The following ORC4 variants were observed in gnomAD, a reference collection of about 807,000 sequenced individuals.
ORC4 encodes origin recognition complex subunit 4.
In ORC4, 55 loss-of-function variants were observed where a neutral mutation model predicts 63.9. The ratio of observed to expected loss-of-function variants is 0.86; its 90% CI spans 0.69 to 1.08. ORC4 has a LOEUF of 1.08. ORC4 is among the 50% of genes least tolerant of loss of function. ORC4 has a pLI of 0.00. For missense variants in ORC4, 511 were observed against 504.4 expected (o/e 1.01, Z -0.13); for synonymous variants, 150 against 168.5 (o/e 0.89, Z 0.85).
In ORC4 at chr2:147,988,362, AT is replaced by A. The variant is rs111917011; in HGVS notation, c.-17-12388del. Among the ~76,000 whole-genome samples the A allele has an allele frequency of 3.2e-3, 455 of 143,096 alleles. 1 individual carries two copies. The highest frequency in any genetic ancestry group is 3.7e-3 in the Non-Finnish European group (241 of 64,786). 93.9% of individuals were successfully genotyped at this position (143,096 alleles called of 152,430 possible). ...TTACTGAATCCAGCTGACTTACTGA[AT>A]TTTTTTTTTTTTTTGAGACAGAATC... is the stretch of plus-strand genomic sequence containing the variant. On this transcript the variant is annotated intron_variant, in intron 1 of 13. Coordinates refer to ENST00000392857, the MANE Select transcript of ORC4 (RefSeq NM_181741.4).
At chr2:148,011,338 T>A (rs1692955285) in intron 1 of ORC4, among the ~76,000 whole-genome samples, 1 of 152,224 alleles carries the variant, frequency 6.6e-6, no homozygotes, top group Non-Finnish European at 1.5e-5. Flanking sequence ...TCAATCAGTG[T>A]GATACATGGT....
rs925199587 is a variant in ORC4 at position 147,998,900 on chromosome 2, A to T, written c.-18+21733T>A. On this transcript the variant is annotated intron_variant, in intron 1 of 13. Transcript: ENST00000392857. ...CATGTTTAAGATCAGTGCTTTGAGC[A>T]AGATCAGGAATGAAAAGAGAGAATA... 2.0e-5 allele frequency among the ~76,000 whole-genome samples: 3 copies of T among 152,200 alleles called. No individual in the cohort carries two copies. In the East Asian group the frequency reaches 5.8e-4, roughly 29 times the overall value.
rs551101488 is a variant in ORC4 at position 148,015,145 on chromosome 2, A to G, written c.-18+5488T>C. On this transcript the variant is annotated intron_variant, in intron 1 of 13. Coordinates refer to ENST00000392857, the MANE Select transcript of ORC4 (RefSeq NM_181741.4). ...AAAAAAGAAGAAAAGAATTCCACAC[A>G]AAAAGATTAGAGTGAAACAGCAGAA... 3.8e-3 allele frequency among the ~76,000 whole-genome samples: 570 copies of G among 151,974 alleles called. 3 individuals are homozygous for G. The highest frequency in any genetic ancestry group is 6.5e-3 in the Non-Finnish European group (442 of 67,984).
At chr2:147,944,697 T>A (rs73964125) in intron 9 of ORC4, among the ~76,000 whole-genome samples, 2,888 of 122,830 alleles carry the variant, frequency 0.024, 97 homozygotes, top group African/African-American at 0.07. Context: ...AGGATTCTTT[T>A]AAAAAAAAAA....
Position 147,956,168 on chromosome 2 carries a change from T to C in ORC4, c.388-773A>G, listed in dbSNP as rs752182472. 2.2e-4 allele frequency among the ~76,000 whole-genome samples: 33 copies of C among 152,050 alleles called. No homozygotes were observed. The South Asian group carries it at 3.3e-3, about 15-fold the overall frequency. On this transcript the variant is annotated intron_variant, in intron 6 of 13. Coordinates refer to ENST00000392857, the MANE Select transcript of ORC4 (RefSeq NM_181741.4). ...AGCCAACTTTAAATTTGAGGAGATATAAAGGAGAAAAGAAACACACTTATT... is the reference window on the plus strand; with the variant it reads ...AGCCAACTTTAAATTTGAGGAGATACAAAGGAGAAAAGAAACACACTTATT...
chr2:147,932,749 T>G lies in ORC4; in HGVS notation c.*2761A>C, dbSNP rs1051887798. ...AGTACACACCAATGGATTCTCAGATTTTCTAGGGTAAAGGTGAAGGATGGG... is the reference window on the plus strand; with the variant it reads ...AGTACACACCAATGGATTCTCAGATGTTCTAGGGTAAAGGTGAAGGATGGG... On this transcript the variant is annotated 3_prime_UTR_variant, in exon 14 of 14. Coordinates refer to ENST00000392857, the MANE Select transcript of ORC4 (RefSeq NM_181741.4). The G allele has an allele frequency of 6.6e-6, 1 of 152,134 alleles. No homozygotes were observed. The highest frequency in any genetic ancestry group is 1.5e-5 in the Non-Finnish European group (1 of 68,032). 9.4% of individuals were successfully genotyped at this position (152,134 alleles called of 1,614,324 possible). A position where few individuals can be genotyped will look rare whatever the true frequency, so the allele number is the denominator to read the frequency against.
intron 4 of ORC4, among the ~76,000 whole-genome samples, chr2:147,965,308 T>C (rs34539489): frequency 0.33 from 49,494 of 151,474 alleles, 8,319 homozygotes; most frequent in East Asian, 0.51. Context: ...ATCTTGAATA[T>C]AAACCAATTA....
At chr2:147,943,315 C>G (rs1382614793) in intron 10 of ORC4, 121 bp downstream of exon 10, 1 of 703,072 alleles carries the variant, frequency 1.4e-6, no homozygotes, top group Non-Finnish European at 2.6e-6. Flanking sequence ...CTTAGGGAGG[C>G]AGAGGTGGGA....
At position 147,934,496 on chromosome 2, in the gene ORC4, C is replaced by T. The variant is rs1687938876; in HGVS notation, c.*1014G>A. 6.6e-6 allele frequency: 1 copy of T among 152,134 alleles called. No homozygotes were observed. Among genetic ancestry groups the T allele is most frequent in the African/African-American group, 2.4e-5 (1 of 41,442 alleles). The allele number at this position is 152,134 out of a possible 1,614,324, so 9.4% of individuals were successfully genotyped here. A position where few individuals can be genotyped will look rare whatever the true frequency, so the allele number is the denominator to read the frequency against. On this transcript the variant is annotated 3_prime_UTR_variant, in exon 14 of 14. Coordinates refer to ENST00000392857, the MANE Select transcript of ORC4 (RefSeq NM_181741.4). ...CTTTTGGGAGTGCTTTTCCAGAAAT[C>T]TCTGGTAGTCACGTCACTTCATGAT...
intron 4 of ORC4, among the ~76,000 whole-genome samples, chr2:147,965,081 GC>G (rs1224015163): frequency 6.6e-6 from 1 of 152,064 alleles, no homozygotes; most frequent in Non-Finnish European, 1.5e-5. Flanking sequence ...ATCCACAAAT[GC>G]AAAGATGATG....
Position 148,002,365 on chromosome 2 carries a change from A to T in ORC4, c.-18+18268T>A, listed in dbSNP as rs189789808. On this transcript the variant is annotated intron_variant, in intron 1 of 13. Coordinates refer to ENST00000392857, the MANE Select transcript of ORC4 (RefSeq NM_181741.4). ...TAAAATTGACCACATAATTGGAAGT[A>T]AAACACTCCTCAACAAAGGCAAAAG... Among the ~76,000 whole-genome samples the T allele has an allele frequency of 4.3e-4, 66 of 152,320 alleles. 1 individual carries two copies. The South Asian group carries it at 7.9e-3, about 18-fold the overall frequency.
At chr2:147,987,366 A>ATG (rs140134375) in intron 1 of ORC4, among the ~76,000 whole-genome samples, 69,570 of 115,258 alleles carry the variant, frequency 0.6, 18,808 homozygotes, top group South Asian at 0.71. Context: ...AGATATATAT[A>ATG]TGTGTGTGTG....
At chr2:147,978,976 C>T (rs1690715870) in intron 1 of ORC4, among the ~76,000 whole-genome samples, 2 of 152,046 alleles carry the variant, frequency 1.3e-5, no homozygotes, top group Admixed American at 1.3e-4. Flanking sequence ...CAATAAAGGC[C>T]ATATATAACA....
At chr2:147,979,059 G>A (rs1690720667) in intron 1 of ORC4, among the ~76,000 whole-genome samples, 1 of 152,108 alleles carries the variant, frequency 6.6e-6, no homozygotes, top group Non-Finnish European at 1.5e-5. Context: ...AACATGACAA[G>A]AATGCCCACT....
In ORC4 at chr2:147,958,781, G is replaced by A. The variant is rs529922291; in HGVS notation, c.301+10C>T. 129 of 1,320,232 alleles carry A rather than the reference G, an allele frequency of 9.8e-5. 1 individual carries two copies. The South Asian group carries it at 1.4e-3, about 14-fold the overall frequency. The allele number at this position is 1,320,232 out of a possible 1,614,324, so 81.8% of individuals were successfully genotyped here. Reference sequence around the variant, plus strand: ...CATAATCTCCAATGGCAAAATAATGGCATACTTACCATTTAAGTGAACTTG... The same window carrying A: ...CATAATCTCCAATGGCAAAATAATGACATACTTACCATTTAAGTGAACTTG... On this transcript the variant is annotated intron_variant, in intron 5 of 13. Coordinates refer to ENST00000392857, the MANE Select transcript of ORC4 (RefSeq NM_181741.4).
At chr2:147,970,661 T>C (rs150216525) in intron 4 of ORC4, among the ~76,000 whole-genome samples, 110 of 149,354 alleles carry the variant, frequency 7.4e-4, no homozygotes, top group Non-Finnish European at 1.3e-3. Flanking sequence ...AGACCTTACA[T>C]CTTTCACAAA....
At chr2:148,002,142 C>A (rs1403754382) in intron 1 of ORC4, among the ~76,000 whole-genome samples, 1 of 151,954 alleles carries the variant, frequency 6.6e-6, no homozygotes, top group African/African-American at 2.4e-5. Flanking sequence ...GAGACTTAGA[C>A]CCCCCCACAA....
At chr2:147,939,807 C>T (rs1273638155) in intron 10 of ORC4, among the ~76,000 whole-genome samples, 6 of 152,104 alleles carry the variant, frequency 3.9e-5, no homozygotes, top group Admixed American at 6.6e-5. Context: ...GAACAGAGGT[C>T]CTGGACCAGA....
chr2:148,009,169 C>CA (rs1363579122), intron 1 of ORC4, among the ~76,000 whole-genome samples: 6 of 148,984 alleles, frequency 4.0e-5, no homozygotes, highest in Non-Finnish European at 7.4e-5. Context: ...AATAGGTGCA[C>CA]AAAAAAATAA....
Sources: gnomAD v4.1 joint callset for allele counts (sites outside exome capture counted in the v4.1 genomes callset) on GRCh38, gnomAD v4.1.1 for gene constraint, MANE v1.5 for transcripts, NCBI Gene and HGNC (gene_info 2026-07-23, HGNC 2026-07-21) for gene names.